The following MFSD6 variants were observed in gnomAD, a reference collection of about 807,000 sequenced individuals.
MFSD6 encodes major facilitator superfamily domain-containing protein 6.
MFSD6 carries 26 observed loss-of-function variants against 56.3 expected under a neutral mutation model. That is an observed-to-expected ratio of 0.46 (90% CI 0.34 to 0.64). The LOEUF (loss-of-function observed/expected upper bound fraction) is 0.64, where lower values mean the gene tolerates loss of function less well. MFSD6 is among the 30% of genes least tolerant of loss of function. The pLI, the probability that MFSD6 is intolerant of heterozygous loss-of-function variation, is 0.01. For synonymous variants in MFSD6, 331 were observed against 366.9 expected (o/e 0.90, Z 1.12); for missense variants, 750 against 986.2 (o/e 0.76, Z 3.21).
At chr2:190,414,389 A>G (rs1047424528) in intron 1 of MFSD6, among the ~76,000 whole-genome samples, 3 of 152,226 alleles carry the variant, frequency 2.0e-5, no homozygotes, top group Non-Finnish European at 4.4e-5. Context: ...TGCCTGTGCA[A>G]TTGTGTTTAA....
Position 190,465,415 on chromosome 2 carries a change from C to T in MFSD6, c.1533-4343C>T, listed in dbSNP as rs1006496458. Among the ~76,000 whole-genome samples the T allele has an allele frequency of 1.3e-5, 2 of 148,826 alleles. No individual in the cohort carries two copies. The highest frequency in any genetic ancestry group is 4.9e-5 in the African/African-American group (2 of 41,182). ...AGGTGTTCAGTAGGTATCTATATCT[C>T]GTGGAGAGACTTTTTTTTTCAGTGT... On this transcript the variant is annotated intron_variant, in intron 3 of 7. Transcript: ENST00000392328. The surrounding 1 kb of genome is among the most constrained non-coding windows in gnomAD (Gnocchi z 4.6).
At chr2:190,481,727 T>C (rs1445966238) in intron 4 of MFSD6, among the ~76,000 whole-genome samples, 3 of 152,268 alleles carry the variant, frequency 2.0e-5, no homozygotes, top group Non-Finnish European at 4.4e-5. Context: ...ATGAAGGGGA[T>C]TCTTGCAGTC....
In MFSD6 at chr2:190,482,903, T is replaced by TTTTTTTTTTTTTTTTTTG. The variant is rs544591315; in HGVS notation, c.1631-5754_1631-5753insTTTTTTTTTTTTTTTTTG. Among the ~76,000 whole-genome samples, 182 of 86,240 alleles carry TTTTTTTTTTTTTTTTTTG rather than the reference T, an allele frequency of 2.1e-3. 75 individuals carry two copies. The highest frequency in any genetic ancestry group is 4.1e-3 in the East Asian group (10 of 2,442). 56.6% of individuals were successfully genotyped at this position (86,240 alleles called of 152,430 possible). A position where few individuals can be genotyped will look rare whatever the true frequency, so the allele number is the denominator to read the frequency against. ...TTTTTTTTTTTTTTTTTTTTTTTTTTAGACGGAGTCTCACTCTGTCGCCCA... is the reference window on the plus strand; with the variant it reads ...TTTTTTTTTTTTTTTTTTTTTTTTTTTTTTTTTTTTTTTTTTTGAGACGGAGTCTCACTCTGTCGCCCA... On this transcript the variant is annotated intron_variant, in intron 4 of 7. Transcript: ENST00000392328.
intron 2 of MFSD6, among the ~76,000 whole-genome samples, chr2:190,420,845 CTGAGTT>C (rs1281528776): frequency 6.6e-6 from 1 of 152,010 alleles, no homozygotes; most frequent in African/African-American, 2.4e-5. Context: ...AAATAATGAC[CTGAGTT>C]TAACAGTTTT....
rs546669112 is a variant in MFSD6 at position 190,499,267 on chromosome 2, T to C, written c.2173-748T>C. ...AGTCATTATACTAAGTTTCTTTTTCTTTCATTGTAGAATCACAGAAATGAA... is the reference window on the plus strand; with the variant it reads ...AGTCATTATACTAAGTTTCTTTTTCCTTCATTGTAGAATCACAGAAATGAA... On this transcript the variant is annotated intron_variant, in intron 7 of 7. Transcript: ENST00000392328. The surrounding 1 kb of genome is among the most constrained non-coding windows in gnomAD (Gnocchi z 6.0). 6.6e-6 allele frequency among the ~76,000 whole-genome samples: 1 copy of C among 152,260 alleles called. No homozygotes were observed. The highest frequency in any genetic ancestry group is 1.5e-5 in the Non-Finnish European group (1 of 68,040).
chr2:190,444,859 C>T, intron 3 of MFSD6: 1 of 819,928 alleles, frequency 1.2e-6, no homozygotes, highest in Non-Finnish European at 1.5e-6. Flanking sequence ...ATTTTAAATT[C>T]CAATTATTTT....
chr2:190,440,486 G>A (rs1400769371), intron 3 of MFSD6, among the ~76,000 whole-genome samples: 2 of 152,132 alleles, frequency 1.3e-5, no homozygotes, highest in African/African-American at 2.4e-5. Flanking sequence ...ATATTTTTAG[G>A]CTATAAATGA....
intron 1 of MFSD6, among the ~76,000 whole-genome samples, chr2:190,409,548 A>G (rs1311273826): frequency 2.6e-5 from 4 of 152,176 alleles, no homozygotes. Flanking sequence ...GGATGGTTGG[A>G]TATTATAGTG....
chr2:190,477,393 AAAG>A (rs1016767741), intron 4 of MFSD6: 1 of 965,584 alleles, frequency 1.0e-6, no homozygotes, highest in African/African-American at 1.8e-5. Context: ...TACCTACAGA[AAAG>A]AAATGACTAT....
intron 2 of MFSD6, among the ~76,000 whole-genome samples, chr2:190,432,118 C>CT (rs1361892185): frequency 2.0e-5 from 3 of 152,160 alleles, no homozygotes; most frequent in Non-Finnish European, 4.4e-5. Flanking sequence ...CTTGATAACT[C>CT]TGAGTTCCTG....
intron 3 of MFSD6, among the ~76,000 whole-genome samples, chr2:190,460,461 AG>A (rs531212709): frequency 3.9e-5 from 6 of 152,348 alleles, no homozygotes; most frequent in Non-Finnish European, 8.8e-5. Context: ...CACTTAGCAT[AG>A]AGTATGTTCA....
intron 4 of MFSD6, chr2:190,477,446 T>C: frequency 1.2e-6 from 1 of 827,750 alleles, no homozygotes; most frequent in East Asian, 1.2e-4. Context: ...TTTATCCTTT[T>C]AGTTTAAAAT....
chr2:190,466,924 AG>A (rs1047100633), intron 3 of MFSD6, among the ~76,000 whole-genome samples: 5 of 152,190 alleles, frequency 3.3e-5, no homozygotes, highest in Admixed American at 3.3e-4. Context: ...ATCTGGGAAG[AG>A]GTTTGAAGGC....
intron 3 of MFSD6, among the ~76,000 whole-genome samples, chr2:190,450,707 A>G (rs181660684): frequency 3.7e-4 from 56 of 152,052 alleles, no homozygotes; most frequent in South Asian, 8.3e-4. Flanking sequence ...TGGCCAGGCT[A>G]GTCTTAAACT....
chr2:190,499,312 A>G lies in MFSD6; in HGVS notation c.2173-703A>G, dbSNP rs1689896968. ...AATGAACATTTTTATTTGGGTGTTCAGCCAAAAAGTGATGGGTACTAATTT... is the reference window on the plus strand; with the variant it reads ...AATGAACATTTTTATTTGGGTGTTCGGCCAAAAAGTGATGGGTACTAATTT... On this transcript the variant is annotated intron_variant, in intron 7 of 7. Coordinates refer to ENST00000392328, the MANE Select transcript of MFSD6 (RefSeq NM_017694.4). This position sits in a 1 kb window ranked among gnomAD's most constrained non-coding sequence, Gnocchi z 6.0. Among the ~76,000 whole-genome samples, 1 of 152,192 alleles carries G rather than the reference A, an allele frequency of 6.6e-6. No homozygotes were observed. The highest frequency in any genetic ancestry group is 1.5e-5 in the Non-Finnish European group (1 of 68,036).
intron 4 of MFSD6, among the ~76,000 whole-genome samples, chr2:190,473,354 G>C (rs572270691): frequency 7.9e-5 from 12 of 152,220 alleles, no homozygotes; most frequent in Admixed American, 2.0e-4. Context: ...CTCACGTGCA[G>C]AAACACACAT....
chr2:190,476,869 C>A (rs1574208579), intron 4 of MFSD6, among the ~76,000 whole-genome samples: 1 of 151,996 alleles, frequency 6.6e-6, no homozygotes, highest in Non-Finnish European at 1.5e-5. Context: ...GAGTACTATG[C>A]AGCCATAAAA....
In MFSD6 at chr2:190,435,713, A is replaced by G. The variant is rs141272994; in HGVS notation, c.-53-264A>G. On this transcript the variant is annotated intron_variant, in intron 2 of 7. Transcript: ENST00000392328. ...ATTTGTACATTTTCCCTGGGAATCA[A>G]TGAAAAGACTGGGAATGAATCTGAG... Among the ~76,000 whole-genome samples, 913 of 152,352 alleles carry G rather than the reference A, an allele frequency of 6.0e-3. 13 individuals carry two copies. Among genetic ancestry groups the G allele is most frequent in the African/African-American group, 0.021 (881 of 41,586 alleles).
At chr2:190,476,245 G>T (rs1489089560) in intron 4 of MFSD6, among the ~76,000 whole-genome samples, 9 of 152,142 alleles carry the variant, frequency 5.9e-5, no homozygotes, top group African/African-American at 1.7e-4. Flanking sequence ...CACAGCAAAA[G>T]AAACTACCAT....
Sources: allele counts gnomAD v4.1 joint callset (sites outside exome capture counted in the v4.1 genomes callset), GRCh38; gene constraint gnomAD v4.1.1; non-coding constraint Gnocchi (gnomAD v3.1); transcripts MANE v1.5; gene names NCBI Gene and HGNC (gene_info 2026-07-23, HGNC 2026-07-21).